The following PCSK5 variants were observed in gnomAD, a reference collection of about 807,000 sequenced individuals.
PCSK5 encodes proprotein convertase subtilisin/kexin type 5.
A neutral mutation model predicts 233.2 loss-of-function variants in PCSK5; 129 were observed. The ratio of observed to expected loss-of-function variants is 0.55; its 90% CI spans 0.48 to 0.64. The LOEUF (loss-of-function observed/expected upper bound fraction) is 0.64. PCSK5 is among the 30% of genes least tolerant of loss of function. The pLI, the probability that PCSK5 is intolerant of heterozygous loss-of-function variation, is 0.00. For synonymous variants in PCSK5, 825 were observed against 879.2 expected, an observed-to-expected ratio of 0.94 and a Z score of 1.09; for missense variants, 2,076 against 2,430.1, an observed-to-expected ratio of 0.85 and a Z score of 3.06.
intron 1 of PCSK5, among the ~76,000 whole-genome samples, chr9:75,905,688 G>T (rs556499429): frequency 6.6e-6 from 1 of 152,308 alleles, no homozygotes; most frequent in Non-Finnish European, 1.5e-5. Context: ...CAGGTGAGCC[G>T]CTCCACTTCC....
In PCSK5 at chr9:76,351,496, GAAA is replaced by G. The variant is rs1564196755; in HGVS notation, c.5067+569_5067+571del. ...AGAAAGAAAGAAAGAAAGAAAGAAA[GAAA>G]GAAAGAAAGAAAGAAAGAAAGAAAG... On this transcript the variant is annotated intron_variant, in intron 36 of 37. Coordinates refer to ENST00000674117, the MANE Select transcript of PCSK5 (RefSeq NM_001372043.1). 1.1e-4 allele frequency among the ~76,000 whole-genome samples: 11 copies of G among 97,758 alleles called. 1 individual carries two copies. The East Asian group carries it at 1.6e-3, about 14-fold the overall frequency. The allele number at this position is 97,758 out of a possible 152,430, so 64.1% of individuals were successfully genotyped here.
At chr9:76,096,446 C>T (rs927525066) in intron 8 of PCSK5, among the ~76,000 whole-genome samples, 3 of 152,172 alleles carry the variant, frequency 2.0e-5, no homozygotes, top group Admixed American at 6.5e-5. Flanking sequence ...ACTCCTATCA[C>T]TGTGTTTCCG....
At chr9:76,252,389 A>G (rs1826840697) in intron 24 of PCSK5, among the ~76,000 whole-genome samples, 1 of 152,234 alleles carries the variant, frequency 6.6e-6, no homozygotes, top group African/African-American at 2.4e-5. Flanking sequence ...CTTCATGCCC[A>G]ATGACATAAC....
At chr9:76,226,603 G>A (rs1379336110) in intron 20 of PCSK5, among the ~76,000 whole-genome samples, 1 of 152,142 alleles carries the variant, frequency 6.6e-6, no homozygotes, top group Non-Finnish European at 1.5e-5. Context: ...GTCCAGTGGA[G>A]GTTGTGTCTC....
At chr9:75,895,108 G>A (rs1417776213) in intron 1 of PCSK5, among the ~76,000 whole-genome samples, 1 of 152,086 alleles carries the variant, frequency 6.6e-6, no homozygotes, top group Non-Finnish European at 1.5e-5. Flanking sequence ...ACCTCTGAAG[G>A]ATAAAACTAA....
intron 27 of PCSK5, among the ~76,000 whole-genome samples, chr9:76,298,038 G>A (rs1366040491): frequency 6.6e-6 from 1 of 152,174 alleles, no homozygotes; most frequent in Non-Finnish European, 1.5e-5. Flanking sequence ...GCAAAATGCT[G>A]AAAATGAGTT....
At chr9:76,061,082 G>A (rs2131580202) in intron 5 of PCSK5, among the ~76,000 whole-genome samples, 1 of 152,136 alleles carries the variant, frequency 6.6e-6, no homozygotes, top group African/African-American at 2.4e-5. Context: ...TATAAATGGT[G>A]TGTTTCATTA....
At chr9:76,024,149 A>G (rs1289200226) in intron 4 of PCSK5, among the ~76,000 whole-genome samples, 1 of 152,216 alleles carries the variant, frequency 6.6e-6, no homozygotes, top group East Asian at 1.9e-4. Context: ...ATCTGCTACC[A>G]GCAACATTCG....
chr9:75,922,017 C>T (rs1823279922), intron 1 of PCSK5, among the ~76,000 whole-genome samples: 1 of 152,142 alleles, frequency 6.6e-6, no homozygotes, highest in Non-Finnish European at 1.5e-5. Context: ...TTGGCAGAAT[C>T]AAGTCAGGAC....
At chr9:76,065,034 C>T (rs1348202624) in intron 5 of PCSK5, among the ~76,000 whole-genome samples, 1 of 152,156 alleles carries the variant, frequency 6.6e-6, no homozygotes, top group African/African-American at 2.4e-5. Flanking sequence ...GTACATATAC[C>T]ACATTTTCTT....
intron 24 of PCSK5, among the ~76,000 whole-genome samples, chr9:76,255,268 C>A (rs922416269): frequency 5.3e-5 from 8 of 151,890 alleles, no homozygotes; most frequent in Non-Finnish European, 1.5e-5. Flanking sequence ...GCCTGGGCAA[C>A]AGAATAAGAC....
chr9:76,338,606 A>G (rs530671298), intron 35 of PCSK5, among the ~76,000 whole-genome samples, 159 bp downstream of exon 35: 1 of 151,792 alleles, frequency 6.6e-6, no homozygotes, highest in Non-Finnish European at 1.5e-5. Context: ...GTTCGCTCTT[A>G]ACTTCCACAT....
rs1343070294 is a variant in PCSK5, at chr9:76,265,302, G to T, written c.3142+24618G>T. ...AGGCGGGTTGAAAAACTAACTACTG[G>T]GTACTAAGTTCAGTATCAGTTATAC... On this transcript the variant is annotated intron_variant, in intron 24 of 37. Coordinates refer to ENST00000674117, the MANE Select transcript of PCSK5 (RefSeq NM_001372043.1). Among the ~76,000 whole-genome samples, 3 of 151,938 alleles carry T rather than the reference G, an allele frequency of 2.0e-5. No homozygotes were observed. The East Asian group carries it at 5.8e-4, about 29-fold the overall frequency.
In PCSK5 at chr9:76,159,454, G is replaced by C. The variant is rs186104968; in HGVS notation, c.1619+283G>C. Among the ~76,000 whole-genome samples the C allele has an allele frequency of 3.3e-5, 5 of 152,194 alleles. No homozygotes were observed. The East Asian group carries it at 7.7e-4, about 23-fold the overall frequency. On this transcript the variant is annotated intron_variant, in intron 12 of 37. Transcript: ENST00000674117. ...CAAAAGAATTGCAGAGCACTAACTC[G>C]TAAGGCCTCTGATATCCCCTCCCCC...
intron 26 of PCSK5, among the ~76,000 whole-genome samples, chr9:76,295,935 G>A (rs1464559501): frequency 6.6e-6 from 1 of 152,206 alleles, no homozygotes; most frequent in Non-Finnish European, 1.5e-5. Context: ...GAAAGAATGA[G>A]AAGGACAGCC....
chr9:76,325,938 C>T (rs200061268), intron 32 of PCSK5, among the ~76,000 whole-genome samples: 184 of 152,120 alleles, frequency 1.2e-3, no homozygotes, highest in Non-Finnish European at 2.1e-3. Context: ...TGCCCGGCCG[C>T]CATTGCACTT....
chr9:76,110,955 A>C (rs930241298), intron 9 of PCSK5, among the ~76,000 whole-genome samples: 1 of 152,096 alleles, frequency 6.6e-6, no homozygotes, highest in Admixed American at 6.6e-5. Context: ...AAACATATAA[A>C]AATTAGCCAG....
In PCSK5 at chr9:76,358,588, C is replaced by T; in HGVS notation, c.5330C>T (p.Ser1777Phe). The T allele has an allele frequency of 6.2e-7, 1 of 1,612,792 alleles. No homozygotes were observed. Among genetic ancestry groups the T allele is most frequent in the Non-Finnish European group, 8.5e-7 (1 of 1,179,856 alleles). ...HFKTALFITS[S>F]MMLVLLLGAA... ...AAGACAGCTCTGTTCATCACCTCCT[C>T]CATGATGCTGGTGCTTCTGCTCGGG... is the stretch of plus-strand genomic sequence containing the variant. The change falls in exon 38 of 38, where the codon TCC becomes TTC. Residue 1777 changes from serine to phenylalanine, a missense_variant. Physicochemically the swap from Ser to Phe is radical, Grantham distance 155 (BLOSUM62 -2). Coordinates refer to ENST00000674117, the MANE Select transcript of PCSK5 (RefSeq NM_001372043.1).
chr9:76,315,054 G>A (rs1282067551), intron 30 of PCSK5, among the ~76,000 whole-genome samples: 1 of 151,986 alleles, frequency 6.6e-6, no homozygotes, highest in African/African-American at 2.4e-5. Flanking sequence ...CCAGGTTGAA[G>A]CAATTCTCCT....
Sources: gnomAD v4.1 joint callset for allele counts (sites outside exome capture counted in the v4.1 genomes callset) on GRCh38, gnomAD v4.1.1 for gene constraint, MANE v1.5 for transcripts, NCBI Gene and HGNC (gene_info 2026-07-23, HGNC 2026-07-21) for gene names.